OR2S2: variants seen among roughly 807,000 people sequenced by gnomAD.
OR2S2 encodes olfactory receptor family 2 subfamily S member 2.
For synonymous variants in OR2S2, 153 were observed against 159.3 expected, an observed-to-expected ratio of 0.96 and a Z score of 0.30; for missense variants, 365 against 389.5, an observed-to-expected ratio of 0.94 and a Z score of 0.53.
In OR2S2 at chr9:35,957,760, G is replaced by A. The variant is rs1450247930; in HGVS notation, c.339C>T (p.Cys113=). 2 of 1,614,250 alleles carry A rather than the reference G, an allele frequency of 1.2e-6. No homozygotes were observed. Among genetic ancestry groups the A allele is most frequent in the Admixed American group, 1.7e-5 (1 of 60,026 alleles). The change falls in exon 1 of 1, where the codon TGC becomes TGT. Residue 113 remains cysteine, a synonymous_variant. Transcript: ENST00000341959. ...ALSFAMAGTE[C]LLLSMMAFDR... ...CAAATGCCATCATGCTCAGGAGCAA[G>A]CACTCTGTTCCTGCCATGGCAAAGG...
rs774923458 is a variant in OR2S2 at position 35,957,152 on chromosome 9, C to A, written c.947G>T (p.Gly316Val). The change falls in exon 1 of 1, where the codon GGC (glycine) becomes GTC (valine). Residue 316 changes from glycine to valine, a missense_variant. By Grantham distance (109) the Gly-to-Val change is moderately radical (BLOSUM62 -3). Transcript: ENST00000341959. The stretch of plus-strand genomic sequence containing the variant: ...ACCCTTCCACCATCACTGAGTGAAG[C>A]CTTTTGGTCTCAGCAGTCTCCTCAC... ...AAVRRLLRPKGFTQ is the reference protein window; with the variant it reads ...AAVRRLLRPKVFTQ 3.8e-6 allele frequency: 6 copies of A among 1,592,530 alleles called. No individual in the cohort carries two copies. In the South Asian group the frequency reaches 4.5e-5, roughly 12 times the overall value.
Position 35,957,275 on chromosome 9 carries a change from T to G in OR2S2, c.824A>C (p.Asp275Ala). 1 of 1,614,168 alleles carries G rather than the reference T, an allele frequency of 6.2e-7. No homozygotes were observed. Among genetic ancestry groups the G allele is most frequent in the Non-Finnish European group, 8.5e-7 (1 of 1,180,030 alleles). Residue 275 changes from aspartate to alanine, a missense_variant, in exon 1 of 1, where the codon GAT becomes GCT. Physicochemically the swap from Asp to Ala is moderately radical, Grantham distance 126. Transcript: ENST00000341959. ...SKDSMGADKE[D>A]LSDKLIPLFY... is the part of the protein sequence containing the mutation. ...AAGGGGGATGAGTTTGTCTGAAAGATCCTCTTTGTCTGCTCCCATGGAGTC... is the reference window on the plus strand; with the variant it reads ...AAGGGGGATGAGTTTGTCTGAAAGAGCCTCTTTGTCTGCTCCCATGGAGTC...
In OR2S2 at chr9:35,958,061, A is replaced by C; in HGVS notation, c.38T>G (p.Phe13Cys). 1 of 1,614,128 alleles carries C rather than the reference A, an allele frequency of 6.2e-7. No individual in the cohort carries two copies. ...KANETSPVMG[F>C]VLLRLSAHPE... Reference sequence around the variant, plus strand: ...GTGGGCAGAGAGCCTCAGGAGAACGAACCCCATCACAGGGGAGGTCTCATT... The same window carrying C: ...GTGGGCAGAGAGCCTCAGGAGAACGCACCCCATCACAGGGGAGGTCTCATT... The change falls in exon 1 of 1, where the codon TTC becomes TGC. Residue 13 changes from phenylalanine to cysteine, a missense_variant. Phe to Cys is a radical substitution (Grantham distance 205). Transcript: ENST00000341959.
Position 35,957,617 on chromosome 9 carries a change from G to C in OR2S2, c.482C>G (p.Thr161Arg), listed in dbSNP as rs765332607. Residue 161 changes from threonine to arginine, a missense_variant, in exon 1 of 1, where the codon ACA becomes AGA. Physicochemically the swap from Thr to Arg is moderately conservative, Grantham distance 71. Coordinates refer to ENST00000341959, the MANE Select transcript of OR2S2 (RefSeq NM_019897.2). ...GAAGGGCAGCTGAATTGCCAAGGAT[G>C]TGTGTACCACGGAAGCAGCACCACC... ...AIGGAASVVH[T>R]SLAIQLPFCG... 1.9e-6 allele frequency: 3 copies of C among 1,614,232 alleles called. No homozygotes were observed. The highest frequency in any genetic ancestry group is 3.3e-5 in the Admixed American group (2 of 60,036).
chr9:35,957,491 G>T lies in OR2S2; in HGVS notation c.608C>A (p.Thr203Lys), dbSNP rs750682972. ...CGGGACTCCTAGGAAGATCACATTCGTCACCTCCATGCTGATCACATTGAT... is the reference window on the plus strand; with the variant it reads ...CGGGACTCCTAGGAAGATCACATTCTTCACCTCCATGCTGATCACATTGAT... ...ISINVISMEVTNVIFLGVPVL... is the reference protein window; with the variant it reads ...ISINVISMEVKNVIFLGVPVL... The change falls in exon 1 of 1, where the codon ACG (threonine) becomes AAG (lysine). Residue 203 changes from threonine to lysine, a missense_variant. Coordinates refer to ENST00000341959, the MANE Select transcript of OR2S2 (RefSeq NM_019897.2). 1 of 1,614,146 alleles carries T rather than the reference G, an allele frequency of 6.2e-7. No homozygotes were observed. Among genetic ancestry groups the T allele is most frequent in the Admixed American group, 1.7e-5 (1 of 60,022 alleles).
Position 35,957,751 on chromosome 9 carries a change from C to A in OR2S2, c.348G>T (p.Leu116=), listed in dbSNP as rs1017040798. The change falls in exon 1 of 1, where the codon CTG becomes CTT. Residue 116 remains leucine, a synonymous_variant. Transcript: ENST00000341959. ...FAMAGTECLL[L]SMMAFDRYVA... ...CATAGCGATCAAATGCCATCATGCTCAGGAGCAAGCACTCTGTTCCTGCCA... is the reference window on the plus strand; with the variant it reads ...CATAGCGATCAAATGCCATCATGCTAAGGAGCAAGCACTCTGTTCCTGCCA... 2.5e-6 allele frequency: 4 copies of A among 1,614,100 alleles called. No individual in the cohort carries two copies. The African/African-American group carries it at 5.3e-5, about 22-fold the overall frequency.
At position 35,958,104 on chromosome 9, in the gene OR2S2, A is replaced by T; in HGVS notation, c.-6T>A. Reference sequence around the variant, plus strand: ...GTCTCATTGGCTTTTTCCATGTGATATCCCCTCTGCCATCAGCAAAGTACT... The same window carrying T: ...GTCTCATTGGCTTTTTCCATGTGATTTCCCCTCTGCCATCAGCAAAGTACT... On this transcript the variant is annotated 5_prime_UTR_variant, in exon 1 of 1. Coordinates refer to ENST00000341959, the MANE Select transcript of OR2S2 (RefSeq NM_019897.2). 1.2e-6 allele frequency: 2 copies of T among 1,609,672 alleles called. No individual in the cohort carries two copies. Among genetic ancestry groups the T allele is most frequent in the Non-Finnish European group, 8.5e-7 (1 of 1,177,826 alleles).
rs1378811142 is a variant in OR2S2, at chr9:35,957,311, G to C, written c.788C>G (p.Pro263Arg). ...YGTLFFMYGK[P>R]KSKDSMGADK... Reference sequence around the variant, plus strand: ...TGCTCCCATGGAGTCCTTAGACTTAGGCTTCCCATACATGAAGAATAAGGT... The same window carrying C: ...TGCTCCCATGGAGTCCTTAGACTTACGCTTCCCATACATGAAGAATAAGGT... Residue 263 changes from proline to arginine, a missense_variant, in exon 1 of 1, where the codon CCT (proline) becomes CGT (arginine). Pro to Arg is a moderately radical substitution (Grantham distance 103, BLOSUM62 -2). Coordinates refer to ENST00000341959, the MANE Select transcript of OR2S2 (RefSeq NM_019897.2). 1 of 1,613,990 alleles carries C rather than the reference G, an allele frequency of 6.2e-7. No homozygotes were observed. The highest frequency in any genetic ancestry group is 1.3e-5 in the African/African-American group (1 of 74,890).
At position 35,958,053 on chromosome 9, in the gene OR2S2, G is replaced by C. The variant is rs1211010028; in HGVS notation, c.46C>G (p.Leu16Val). 1 of 1,614,140 alleles carries C rather than the reference G, an allele frequency of 6.2e-7. No individual in the cohort carries two copies. The highest frequency in any genetic ancestry group is 8.5e-7 in the Non-Finnish European group (1 of 1,180,002). Residue 16 changes from leucine to valine, a missense_variant, in exon 1 of 1, where the codon CTG (leucine) becomes GTG (valine). Physicochemically the swap from Leu to Val is conservative, Grantham distance 32 (BLOSUM62 1). Transcript: ENST00000341959. ...AGCTCTGGGTGGGCAGAGAGCCTCA[G>C]GAGAACGAACCCCATCACAGGGGAG... is the stretch of plus-strand genomic sequence containing the variant. ...ETSPVMGFVL[L>V]RLSAHPELEK...
chr9:35,957,287 G>A lies in OR2S2; in HGVS notation c.812C>T (p.Ala271Val). The stretch of plus-strand genomic sequence containing the variant: ...TTTGTCTGAAAGATCCTCTTTGTCT[G>A]CTCCCATGGAGTCCTTAGACTTAGG... ...GKPKSKDSMGADKEDLSDKLI... is the reference protein window; with the variant it reads ...GKPKSKDSMGVDKEDLSDKLI... Residue 271 changes from alanine (A) to valine (V), a missense_variant, in exon 1 of 1, where the codon GCA becomes GTA. Physicochemically the swap from Ala to Val is moderately conservative, Grantham distance 64. Transcript: ENST00000341959. 6.2e-7 allele frequency: 1 copy of A among 1,614,152 alleles called. No homozygotes were observed.
In OR2S2 at chr9:35,957,551, A is replaced by G. The variant is rs770423753; in HGVS notation, c.548T>C (p.Leu183Pro). ...AGCACAGGCCAACTTTAGAACAGCC[A>G]GAATCTCACAGGTGAAGTGGTTGAT... ...NVINHFTCEI[L>P]AVLKLACADI... The change falls in exon 1 of 1, where the codon CTG becomes CCG. Residue 183 changes from leucine (L) to proline (P), a missense_variant. Transcript: ENST00000341959. 1.2e-6 allele frequency: 2 copies of G among 1,614,248 alleles called. No homozygotes were observed. The highest frequency in any genetic ancestry group is 1.1e-5 in the South Asian group (1 of 91,086).
rs747495012 is a variant in OR2S2 at position 35,957,507 on chromosome 9, T to C, written c.592A>G (p.Ile198Val). The change falls in exon 1 of 1, where the codon ATC becomes GTC. Residue 198 changes from isoleucine (I) to valine (V), a missense_variant. By Grantham distance (29) the Ile-to-Val change is conservative (BLOSUM62 3). Transcript: ENST00000341959. ...LACADISINV[I>V]SMEVTNVIFL... ...ATCACATTCGTCACCTCCATGCTGA[T>C]CACATTGATGGAAATGTCAGCACAG... 1 of 1,614,154 alleles carries C rather than the reference T, an allele frequency of 6.2e-7. No homozygotes were observed. The highest frequency in any genetic ancestry group is 2.2e-5 in the East Asian group (1 of 44,870).
rs1356141385 is a variant in OR2S2, at chr9:35,957,133, C to T, written c.*6G>A. On this transcript the variant is annotated 3_prime_UTR_variant, in exon 1 of 1. Coordinates refer to ENST00000341959, the MANE Select transcript of OR2S2 (RefSeq NM_019897.2). ...TGGGTGACAATCACAGAGGACCCTTCCACCATCACTGAGTGAAGCCTTTTG... is the reference window on the plus strand; with the variant it reads ...TGGGTGACAATCACAGAGGACCCTTTCACCATCACTGAGTGAAGCCTTTTG... 1 of 1,571,548 alleles carries T rather than the reference C, an allele frequency of 6.4e-7. No individual in the cohort carries two copies. The highest frequency in any genetic ancestry group is 8.6e-7 in the Non-Finnish European group (1 of 1,158,244).
rs1334471551 is a variant in OR2S2 at position 35,957,719 on chromosome 9, A to T, written c.380T>A (p.Ile127Asn). ...CACGGAGTACCTAAGGGGGTTGCAGATGGCCACATAGCGATCAAATGCCAT... is the reference window on the plus strand; with the variant it reads ...CACGGAGTACCTAAGGGGGTTGCAGTTGGCCACATAGCGATCAAATGCCAT... Reference protein sequence around the residue: ...SMMAFDRYVAICNPLRYSVIM... With the variant: ...SMMAFDRYVANCNPLRYSVIM... The change falls in exon 1 of 1, where the codon ATC becomes AAC. Residue 127 changes from isoleucine (I) to asparagine (N), a missense_variant. Coordinates refer to ENST00000341959, the MANE Select transcript of OR2S2 (RefSeq NM_019897.2). 6 of 1,614,114 alleles carry T rather than the reference A, an allele frequency of 3.7e-6. No individual in the cohort carries two copies. In the African/African-American group the frequency reaches 8.0e-5, roughly 22 times the overall value.
In OR2S2 at chr9:35,957,623, A is replaced by G. The variant is rs1833571000; in HGVS notation, c.476T>C (p.Val159Ala). The change falls in exon 1 of 1, where the codon GTA (valine) becomes GCA (alanine). Residue 159 changes from valine (V) to alanine (A), a missense_variant. By Grantham distance (64) the Val-to-Ala change is moderately conservative. Transcript: ENST00000341959. ...CAGCTGAATTGCCAAGGATGTGTGT[A>G]CCACGGAAGCAGCACCACCAATAGC... ...SWAIGGAASV[V>A]HTSLAIQLPF... The G allele has an allele frequency of 1.2e-6, 2 of 1,614,226 alleles. No individual in the cohort carries two copies. The highest frequency in any genetic ancestry group is 2.2e-5 in the East Asian group (1 of 44,888).
Position 35,957,920 on chromosome 9 carries a change from A to ATGGGCG in OR2S2, c.173_178dup (p.Thr58_Pro59dup). On this transcript the variant is annotated inframe_insertion, in exon 1 of 1. Transcript: ENST00000341959. ...GGAGAGGTTCCCTAGGAAGAAGTAC[A>ATGGGCG]TGGGCGTGTGCAGGCGGGAGTCAAG... 1 of 1,614,184 alleles carries ATGGGCG rather than the reference A, an allele frequency of 6.2e-7. No homozygotes were observed. Among genetic ancestry groups the ATGGGCG allele is most frequent in the South Asian group, 1.1e-5 (1 of 91,086 alleles).
Position 35,957,398 on chromosome 9 carries a change from C to T in OR2S2, c.701G>A (p.Gly234Glu). Residue 234 changes from glycine (G) to glutamate (E), a missense_variant, in exon 1 of 1, where the codon GGG (glycine) becomes GAG (glutamate). Gly to Glu is a moderately conservative substitution (Grantham distance 98). Transcript: ENST00000341959. ...TTILRIPSAE[G>E]RKKVFSTCSA... Reference sequence around the variant, plus strand: ...GCAGGTGGAGAAGACCTTTTTCCTCCCCTCAGCTGAGGGGATCCTCAGGAT... The same window carrying T: ...GCAGGTGGAGAAGACCTTTTTCCTCTCCTCAGCTGAGGGGATCCTCAGGAT... 1 of 1,614,038 alleles carries T rather than the reference C, an allele frequency of 6.2e-7. No individual in the cohort carries two copies. The highest frequency in any genetic ancestry group is 8.5e-7 in the Non-Finnish European group (1 of 1,179,996).
In OR2S2 at chr9:35,957,560, C is replaced by A. The variant is rs774233520; in HGVS notation, c.539G>T (p.Cys180Phe). ...CGDNVINHFT[C>F]EILAVLKLAC... is the part of the protein sequence containing the mutation. ...CAACTTTAGAACAGCCAGAATCTCACAGGTGAAGTGGTTGATGACATTGTC... is the reference window on the plus strand; with the variant it reads ...CAACTTTAGAACAGCCAGAATCTCAAAGGTGAAGTGGTTGATGACATTGTC... Residue 180 changes from cysteine (C) to phenylalanine (F), a missense_variant, in exon 1 of 1, where the codon TGT becomes TTT. Transcript: ENST00000341959. 6.2e-7 allele frequency: 1 copy of A among 1,614,166 alleles called. No homozygotes were observed. Among genetic ancestry groups the A allele is most frequent in the Non-Finnish European group, 8.5e-7 (1 of 1,180,026 alleles).
rs2132490123 is a variant in OR2S2 at position 35,957,676 on chromosome 9, G to A, written c.423C>T (p.Ala141=). ...AGGAGCTGGCAGCCATGGGCATGTA[G>A]GCAGCCTTGCTCATGATCACGGAGT... The part of the protein sequence containing the change: ...LRYSVIMSKA[A]YMPMAASSWA... The change falls in exon 1 of 1, where the codon GCC becomes GCT. Residue 141 remains alanine, a synonymous_variant. Transcript: ENST00000341959. The A allele has an allele frequency of 1.9e-6, 3 of 1,614,232 alleles. No homozygotes were observed. In the East Asian group the frequency reaches 6.7e-5, roughly 36 times the overall value.
Sources: allele counts gnomAD v4.1 joint callset, GRCh38; gene constraint gnomAD v4.1.1; transcripts MANE v1.5; gene names NCBI Gene and HGNC (gene_info 2026-07-23, HGNC 2026-07-21).